The following PIP4P2 variants were observed in gnomAD, a reference collection of about 807,000 sequenced individuals.
PIP4P2 encodes the protein phosphatidylinositol-4,5-bisphosphate 4-phosphatase 2, also known as type 2 phosphatidylinositol 4,5-bisphosphate 4-phosphatase.
PIP4P2 carries 19 observed loss-of-function variants against 33.3 expected under a neutral mutation model. That is an observed-to-expected ratio of 0.57 (90% confidence interval 0.40 to 0.84). PIP4P2 has a LOEUF of 0.84. Among genes scored for constraint, PIP4P2 ranks in the 40% least tolerant of loss-of-function variants. The pLI is 0.00. For synonymous variants in PIP4P2, 110 were observed against 111.9 expected (o/e 0.98, Z 0.11); for missense variants, 270 against 324.7 (o/e 0.83, Z 1.29).
At chr8:91,005,398 C>T (rs1563562238) in intron 5 of PIP4P2, among the ~76,000 whole-genome samples, 2 of 152,098 alleles carry the variant, frequency 1.3e-5, no homozygotes, top group Admixed American at 1.3e-4. Context: ...TCTTTTATAA[C>T]TTAGTTCATA....
Position 91,040,839 on chromosome 8 carries a change from G to A in PIP4P2, c.-90C>T. 3 of 1,235,100 alleles carry A rather than the reference G, an allele frequency of 2.4e-6. No homozygotes were observed. Among genetic ancestry groups the A allele is most frequent in the Non-Finnish European group, 3.4e-6 (3 of 870,974 alleles). The allele number at this position is 1,235,100 out of a possible 1,614,324, so 76.5% of individuals were successfully genotyped here. A position where few individuals can be genotyped will look rare whatever the true frequency, so the allele number is the denominator to read the frequency against. ...TACTGCTGCTGCCTCTGCTGCCGCTGCTGCCGCTGCAGCTGCTGCTGCTGC... is the reference window on the plus strand; with the variant it reads ...TACTGCTGCTGCCTCTGCTGCCGCTACTGCCGCTGCAGCTGCTGCTGCTGC... On this transcript the variant is annotated 5_prime_UTR_variant, in exon 1 of 7. Transcript: ENST00000285419.
intron 6 of PIP4P2, 143 bp from the exon 7 acceptor site, chr8:90,995,963 C>T: frequency 1.2e-6 from 1 of 863,046 alleles, no homozygotes; most frequent in Non-Finnish European, 1.7e-6. Flanking sequence ...GTAGGTGTAT[C>T]TGTTGACTGC....
chr8:91,021,523 T>C, intron 1 of PIP4P2, 119 bp from the exon 2 acceptor site: 1 of 1,237,652 alleles, frequency 8.1e-7, no homozygotes, highest in Non-Finnish European at 1.1e-6. Flanking sequence ...CTTTTATTTA[T>C]TTTTCAAAGC....
chr8:90,997,141 T>A, intron 5 of PIP4P2, among the ~76,000 whole-genome samples: 1 of 152,052 alleles, frequency 6.6e-6, no homozygotes, highest in African/African-American at 2.4e-5. Flanking sequence ...ATTTAGAAAG[T>A]AGAATAAAAA....
rs918231285 is a variant in PIP4P2 at position 90,994,129 on chromosome 8, A to G, written c.*1548T>C. The G allele has an allele frequency of 6.6e-6, 1 of 152,314 alleles. No homozygotes were observed. Among genetic ancestry groups the G allele is most frequent in the African/African-American group, 2.4e-5 (1 of 41,586 alleles). 9.4% of individuals were successfully genotyped at this position (152,314 alleles called of 1,614,324 possible). On this transcript the variant is annotated 3_prime_UTR_variant, in exon 7 of 7. Transcript: ENST00000285419. Reference sequence around the variant, plus strand: ...GATTTAAAAACTATATTTTAAAAATAAAACCATTTGAAAATAGTACAAAAA... The same window carrying G: ...GATTTAAAAACTATATTTTAAAAATGAAACCATTTGAAAATAGTACAAAAA...
Position 90,995,734 on chromosome 8 carries a change from G to A in PIP4P2, c.717C>T (p.Ile239=), listed in dbSNP as rs1462346035. The A allele has an allele frequency of 5.6e-6, 9 of 1,613,286 alleles. No homozygotes were observed. The highest frequency in any genetic ancestry group is 7.6e-6 in the Non-Finnish European group (9 of 1,179,614). The change falls in exon 7 of 7, where the codon ATC becomes ATT. Residue 239 remains isoleucine (I), a synonymous_variant. Coordinates refer to ENST00000285419, the MANE Select transcript of PIP4P2 (RefSeq NM_018710.3). ...TTATGGCTCCCCAATAACAAGCTCG[G>A]ATAAGGCAGATCAATCCTAGGAGAT... The part of the protein sequence containing the change: ...IAYLLGLICL[I]RACYWGAIRV...
intron 4 of PIP4P2, among the ~76,000 whole-genome samples, chr8:91,015,940 G>A (rs771084933): frequency 6.6e-6 from 1 of 152,222 alleles, no homozygotes; most frequent in South Asian, 2.1e-4. Flanking sequence ...GCTTGGACCA[G>A]TATAAACATG....
intron 4 of PIP4P2, 83 bp from the exon 5 acceptor site, chr8:91,008,878 T>C: frequency 8.1e-7 from 1 of 1,239,998 alleles, no homozygotes; most frequent in Non-Finnish European, 1.1e-6. Flanking sequence ...TTACTTTAAA[T>C]GTCATCAGGG....
chr8:91,010,666 A>T (rs1811821853), intron 4 of PIP4P2, among the ~76,000 whole-genome samples: 1 of 151,910 alleles, frequency 6.6e-6, no homozygotes, highest in African/African-American at 2.4e-5. Context: ...TAATTTATTC[A>T]AATGAATCCC....
intron 3 of PIP4P2, 89 bp downstream of exon 3, chr8:91,020,068 T>C: frequency 7.7e-7 from 1 of 1,304,040 alleles, no homozygotes; most frequent in Admixed American, 2.2e-5. Context: ...AAACTCTTTC[T>C]AGAACAAAGC....
chr8:91,032,773 T>G (rs1586187029), intron 1 of PIP4P2, among the ~76,000 whole-genome samples: 3 of 108,498 alleles, frequency 2.8e-5, no homozygotes, highest in African/African-American at 6.4e-5. Context: ...AGAGTGAGAG[T>G]CTGTCTCAAA....
intron 6 of PIP4P2, 148 bp downstream of exon 6, chr8:90,996,506 G>T: frequency 3.8e-6 from 2 of 527,306 alleles, no homozygotes; most frequent in South Asian, 4.5e-5. Flanking sequence ...TTGGGTTTCT[G>T]ATTGCTCATA....
At chr8:91,029,573 A>G (rs551345578) in intron 1 of PIP4P2, among the ~76,000 whole-genome samples, 1 of 152,278 alleles carries the variant, frequency 6.6e-6, no homozygotes, top group African/African-American at 2.4e-5. Context: ...ATTCATTCAT[A>G]CAATCAATAT....
intron 1 of PIP4P2, among the ~76,000 whole-genome samples, chr8:91,029,246 G>A (rs185349486): frequency 2.8e-4 from 43 of 151,996 alleles, no homozygotes; most frequent in Admixed American, 7.9e-4. Flanking sequence ...AGCCAAGATC[G>A]TGCTATTGCA....
intron 4 of PIP4P2, among the ~76,000 whole-genome samples, chr8:91,018,085 G>C (rs1811944515): frequency 6.6e-6 from 1 of 152,122 alleles, no homozygotes; most frequent in Non-Finnish European, 1.5e-5. Flanking sequence ...TGAGAGCAGG[G>C]CTAAGACTCA....
chr8:91,040,230 G>C (rs1054534386), intron 1 of PIP4P2, among the ~76,000 whole-genome samples: 2 of 152,144 alleles, frequency 1.3e-5, no homozygotes, highest in Non-Finnish European at 2.9e-5. Flanking sequence ...CAATACTCCT[G>C]GTTTCTCAGC....
chr8:91,017,428 T>G (rs980541623), intron 4 of PIP4P2, among the ~76,000 whole-genome samples: 8 of 151,588 alleles, frequency 5.3e-5, no homozygotes, highest in African/African-American at 1.9e-4. Flanking sequence ...AAATAAAAAT[T>G]TAAAAATTAT....
intron 4 of PIP4P2, among the ~76,000 whole-genome samples, chr8:91,015,474 T>C (rs1479440904): frequency 2.0e-5 from 3 of 151,664 alleles, no homozygotes; most frequent in Non-Finnish European, 4.4e-5. Flanking sequence ...GAAATACCAA[T>C]AGAAAAAGTA....
At chr8:90,999,301 C>T (rs1811672105) in intron 5 of PIP4P2, among the ~76,000 whole-genome samples, 1 of 151,886 alleles carries the variant, frequency 6.6e-6, no homozygotes, top group Non-Finnish European at 1.5e-5. Context: ...AGGAACGTAA[C>T]ATTCAGAAAT....
Sources: allele counts gnomAD v4.1 joint callset (sites outside exome capture counted in the v4.1 genomes callset), GRCh38; gene constraint gnomAD v4.1.1; transcripts MANE v1.5; gene names NCBI Gene and HGNC (gene_info 2026-07-23, HGNC 2026-07-21).